NUAK1: variants seen among roughly 807,000 people sequenced by gnomAD.
NUAK1 encodes NUAK family SNF1-like kinase 1.
Under a neutral mutation model 56.9 loss-of-function variants are expected in NUAK1, and 26 were observed. That is an observed-to-expected ratio of 0.46 (90% CI 0.33 to 0.63). The LOEUF is 0.63. Among genes scored for constraint, NUAK1 ranks in the 30% least tolerant of loss-of-function variants. The probability of loss-of-function intolerance (pLI) is 0.02; values close to 1 mark genes in which losing one functional copy is unlikely to be tolerated. For missense variants in NUAK1, 727 were observed against 876.1 expected (o/e 0.83, Z 2.15); for synonymous variants, 337 against 336.0 (o/e 1.00, Z -0.03).
intron 1 of NUAK1, among the ~76,000 whole-genome samples, chr12:106,117,429 G>A (rs1426625740): frequency 6.6e-6 from 1 of 152,146 alleles, no homozygotes; most frequent in African/African-American, 2.4e-5. Context: ...ACTTTGCTCA[G>A]CTATTCATTT....
chr12:106,072,868 G>A, intron 4 of NUAK1, 25 bp from the exon 5 acceptor site: 1 of 1,613,228 alleles, frequency 6.2e-7, no homozygotes, highest in Non-Finnish European at 8.5e-7. Flanking sequence ...AAGACCCAGG[G>A]AGACTTGTTA....
chr12:106,098,842 C>G (rs985931000), intron 2 of NUAK1, among the ~76,000 whole-genome samples: 1 of 152,286 alleles, frequency 6.6e-6, no homozygotes, highest in Admixed American at 6.5e-5. Flanking sequence ...AAATCAGAAC[C>G]TCAGGCAAAA....
intron 2 of NUAK1, among the ~76,000 whole-genome samples, chr12:106,102,425 A>C (rs2032759191): frequency 6.6e-6 from 1 of 152,234 alleles, no homozygotes; most frequent in Admixed American, 6.5e-5. Flanking sequence ...GTGGCTACTG[A>C]GCACATGAAA....
Position 106,070,642 on chromosome 12 carries a change from A to G in NUAK1, c.832+132T>C, listed in dbSNP as rs2032395854. The G allele has an allele frequency of 7.4e-6, 9 of 1,222,198 alleles. No individual in the cohort carries two copies. The East Asian group carries it at 2.2e-4, about 29-fold the overall frequency. 75.7% of individuals were successfully genotyped at this position (1,222,198 alleles called of 1,614,324 possible). ...ATAAGCCAGTTTTGCCAAGGATGAC[A>G]CTTCTGGGAAGAAGAAAGAGGAAAA... On this transcript the variant is annotated intron_variant, in intron 6 of 6. Transcript: ENST00000261402.
chr12:106,109,445 T>C (rs12318188), intron 1 of NUAK1, among the ~76,000 whole-genome samples: 2,024 of 151,908 alleles, frequency 0.013, 47 homozygotes, highest in African/African-American at 0.046. Flanking sequence ...TCCCATTTTA[T>C]CTTCTCTGGA....
chr12:106,133,283 C>T (rs548112415), intron 1 of NUAK1, among the ~76,000 whole-genome samples: 27 of 152,210 alleles, frequency 1.8e-4, no homozygotes, highest in African/African-American at 6.5e-4. Flanking sequence ...TTTTCAACAG[C>T]ACTTGTCCTC....
chr12:106,121,363 T>G (rs2032972662), intron 1 of NUAK1, among the ~76,000 whole-genome samples: 1 of 152,120 alleles, frequency 6.6e-6, no homozygotes, highest in African/African-American at 2.4e-5. Flanking sequence ...CCCTCCTCAT[T>G]TCACGCTTCT....
intron 1 of NUAK1, among the ~76,000 whole-genome samples, chr12:106,136,129 T>C (rs912405065): frequency 6.6e-6 from 1 of 152,230 alleles, no homozygotes; most frequent in African/African-American, 2.4e-5. Context: ...TAACATTCTG[T>C]AAGCTCAGCT....
intron 1 of NUAK1, among the ~76,000 whole-genome samples, chr12:106,114,375 C>G (rs1358404773): frequency 1.3e-5 from 2 of 152,224 alleles, no homozygotes; most frequent in Non-Finnish European, 2.9e-5. Flanking sequence ...CTCGGATAAT[C>G]ACGCCACCGG....
intron 4 of NUAK1, among the ~76,000 whole-genome samples, chr12:106,074,773 C>T (rs1288586507): frequency 6.6e-6 from 1 of 152,152 alleles, no homozygotes; most frequent in African/African-American, 2.4e-5. Flanking sequence ...TTGTAAAAGT[C>T]ATCCCTGAAT....
At position 106,108,357 on chromosome 12, in the gene NUAK1, T is replaced by C. The variant is rs1414580369; in HGVS notation, c.241-1832A>G. Among the ~76,000 whole-genome samples, 4 of 152,120 alleles carry C rather than the reference T, an allele frequency of 2.6e-5. No homozygotes were observed. In the East Asian group the frequency reaches 5.8e-4, roughly 22 times the overall value. On this transcript the variant is annotated intron_variant, in intron 1 of 6. Coordinates refer to ENST00000261402, the MANE Select transcript of NUAK1 (RefSeq NM_014840.3). ...GGCTCCACCTCCCTTCGACCCTGGG[T>C]GGACCCATGGCTGGATAGAAGGAGG...
intron 6 of NUAK1, among the ~76,000 whole-genome samples, chr12:106,070,066 A>G (rs2032389384): frequency 6.6e-6 from 1 of 152,224 alleles, no homozygotes; most frequent in Non-Finnish European, 1.5e-5. Context: ...TTTTAAAAAA[A>G]GAAAGAAAGC....
chr12:106,106,417 T>C lies in NUAK1; in HGVS notation c.349A>G (p.Ser117Gly). Reference protein sequence around the residue: ...MSSLNHPHIISIYEVFENKDK... With the variant: ...MSSLNHPHIIGIYEVFENKDK... The stretch of plus-strand genomic sequence containing the variant: ...AAAAATCACTGACCTTCATAAATAC[T>C]GATGATATGAGGATGGTTGAGAGAT... The change falls in exon 2 of 7, where the codon AGT becomes GGT. Residue 117 changes from serine (S) to glycine (G), a missense_variant. By Grantham distance (56) the Ser-to-Gly change is moderately conservative (BLOSUM62 0). Coordinates refer to ENST00000261402, the MANE Select transcript of NUAK1 (RefSeq NM_014840.3). 6.2e-7 allele frequency: 1 copy of C among 1,608,540 alleles called. No homozygotes were observed. Among genetic ancestry groups the C allele is most frequent in the Non-Finnish European group, 8.5e-7 (1 of 1,178,200 alleles).
At chr12:106,082,993 T>C (rs2032533886) in intron 4 of NUAK1, among the ~76,000 whole-genome samples, 1 of 152,168 alleles carries the variant, frequency 6.6e-6, no homozygotes, top group African/African-American at 2.4e-5. Context: ...CTCCGTTTAT[T>C]TTGAAACCGT....
intron 5 of NUAK1, 111 bp downstream of exon 5, chr12:106,072,613 C>CT: frequency 8.1e-7 from 1 of 1,239,850 alleles, no homozygotes; most frequent in Non-Finnish European, 1.1e-6. Context: ...GTTTTCCTTG[C>CT]TGGCTTTTTT....
chr12:106,094,944 G>C (rs2032680028), intron 2 of NUAK1, among the ~76,000 whole-genome samples: 1 of 152,058 alleles, frequency 6.6e-6, no homozygotes, highest in African/African-American at 2.4e-5. Context: ...CACCACACTG[G>C]ACGAGCCACT....
intron 1 of NUAK1, among the ~76,000 whole-genome samples, chr12:106,110,526 C>T (rs1415647635): frequency 6.6e-6 from 1 of 152,176 alleles, no homozygotes; most frequent in Non-Finnish European, 1.5e-5. Context: ...ATTCTCACAT[C>T]TACAAAGAAA....
chr12:106,121,319 G>A (rs2032972202), intron 1 of NUAK1, among the ~76,000 whole-genome samples: 1 of 152,224 alleles, frequency 6.6e-6, no homozygotes, highest in African/African-American at 2.4e-5. Context: ...GTATCTTGCA[G>A]AAGGCACACA....
intron 2 of NUAK1, 185 bp downstream of exon 2, chr12:106,106,220 C>A (rs1378435157): frequency 8.5e-6 from 4 of 469,104 alleles, no homozygotes; most frequent in African/African-American, 7.9e-5. Context: ...CCAAAATGAG[C>A]TGCACTCATG....
Sources: allele counts gnomAD v4.1 joint callset (sites outside exome capture counted in the v4.1 genomes callset), GRCh38; gene constraint gnomAD v4.1.1; transcripts MANE v1.5; gene names NCBI Gene and HGNC (gene_info 2026-07-23, HGNC 2026-07-21).